Variants in PLCB1 observed in about 807,000 individuals in gnomAD.
PLCB1 encodes the protein 1-phosphatidylinositol 4,5-bisphosphate phosphodiesterase beta-1.
In PLCB1, 46 loss-of-function variants were observed where a neutral mutation model predicts 161.8. That is an observed-to-expected ratio of 0.28 (90% CI 0.22 to 0.36). The LOEUF is 0.36. PLCB1 is among the 10% of genes least tolerant of loss of function. The probability of loss-of-function intolerance (pLI) is 1.00; values close to 1 mark genes in which losing one functional copy is unlikely to be tolerated. For missense variants in PLCB1, 1,016 were observed against 1,472.5 expected, an observed-to-expected ratio of 0.69 and a Z score of 5.07; for synonymous variants, 517 against 503.7, an observed-to-expected ratio of 1.03 and a Z score of -0.35.
At chr20:8,386,603 T>A (rs372013622) in intron 3 of PLCB1, among the ~76,000 whole-genome samples, 1 of 152,222 alleles carries the variant, frequency 6.6e-6, no homozygotes, top group East Asian at 1.9e-4. Flanking sequence ...TCAATGAGCA[T>A]TGGCTTCCAC....
intron 24 of PLCB1, among the ~76,000 whole-genome samples, chr20:8,759,645 C>T (rs1056858064): frequency 9.2e-5 from 14 of 152,078 alleles, no homozygotes; most frequent in African/African-American, 3.1e-4. Context: ...GGATTACAGG[C>T]GTGCACCATC....
intron 2 of PLCB1, among the ~76,000 whole-genome samples, chr20:8,253,253 TTTG>T (rs752134119): frequency 6.6e-6 from 1 of 151,986 alleles, no homozygotes; most frequent in Non-Finnish European, 1.5e-5. Context: ...TCAAATTTTA[TTTG>T]TTGTTGTTGT....
At chr20:8,671,758 A>G (rs1203924310) in intron 9 of PLCB1, among the ~76,000 whole-genome samples, 2 of 152,166 alleles carry the variant, frequency 1.3e-5, no homozygotes, top group African/African-American at 2.4e-5. Flanking sequence ...CATGCCCCCT[A>G]TCCAGGCCAG....
intron 4 of PLCB1, among the ~76,000 whole-genome samples, chr20:8,645,322 AT>A (rs988549604): frequency 3.4e-5 from 5 of 148,458 alleles, no homozygotes; most frequent in South Asian, 2.2e-4. Context: ...AATAAAAAAA[AT>A]AAAGACATTA....
At chr20:8,319,152 C>T (rs981911476) in intron 2 of PLCB1, among the ~76,000 whole-genome samples, 2 of 152,156 alleles carry the variant, frequency 1.3e-5, no homozygotes, top group Non-Finnish European at 2.9e-5. Flanking sequence ...AGTCACAAAA[C>T]CTAGTGTTGA....
intron 2 of PLCB1, among the ~76,000 whole-genome samples, chr20:8,320,209 T>C (rs1984849103): frequency 6.6e-6 from 1 of 152,110 alleles, no homozygotes; most frequent in African/African-American, 2.4e-5. Flanking sequence ...TAAAGTGTGT[T>C]TTTCACACTG....
At chr20:8,739,446 A>T in intron 21 of PLCB1, 86 bp downstream of exon 21, 1 of 844,200 alleles carries the variant, frequency 1.2e-6, no homozygotes, top group Non-Finnish European at 2.0e-6. Context: ...ATGACTTAAG[A>T]AACTATTTTC....
intron 26 of PLCB1, among the ~76,000 whole-genome samples, chr20:8,770,921 T>C (rs776827389): frequency 4.6e-5 from 7 of 152,214 alleles, no homozygotes; most frequent in Non-Finnish European, 8.8e-5. Flanking sequence ...TGTTTATTCA[T>C]TTTTGTATTT....
intron 10 of PLCB1, among the ~76,000 whole-genome samples, chr20:8,697,251 C>T (rs1008331138): frequency 6.6e-6 from 1 of 152,024 alleles, no homozygotes; most frequent in Non-Finnish European, 1.5e-5. Context: ...CTTGGGCAAC[C>T]GAACTCTGTG....
chr20:8,162,613 A>G (rs1376502518), intron 2 of PLCB1, among the ~76,000 whole-genome samples: 2 of 152,162 alleles, frequency 1.3e-5, no homozygotes, highest in East Asian at 1.9e-4. Context: ...TTCTATAGGG[A>G]ATGGGGATTG....
At chr20:8,789,635 G>T (rs6039269) in intron 30 of PLCB1, 60 bp downstream of exon 30, 2 of 1,230,730 alleles carry the variant, frequency 1.6e-6, no homozygotes, top group East Asian at 4.6e-5. Context: ...TGGTGAGCTC[G>T]CTGTGAGCTT....
chr20:8,476,130 G>T (rs117436013), intron 3 of PLCB1, among the ~76,000 whole-genome samples: 150 of 152,266 alleles, frequency 9.9e-4, no homozygotes, highest in Non-Finnish European at 1.9e-3. Context: ...GCTACTGGTG[G>T]TCACTTTTGC....
intron 3 of PLCB1, among the ~76,000 whole-genome samples, chr20:8,585,372 G>A (rs751741930): frequency 2.0e-5 from 3 of 152,172 alleles, no homozygotes; most frequent in Non-Finnish European, 2.9e-5. Context: ...ACCCTTAATT[G>A]TGCACAGCTC....
intron 26 of PLCB1, among the ~76,000 whole-genome samples, chr20:8,768,718 G>A (rs906847526): frequency 1.3e-5 from 2 of 152,198 alleles, no homozygotes; most frequent in African/African-American, 4.8e-5. Context: ...TGAGGTCATG[G>A]CGTGGTGCCC....
chr20:8,500,378 A>G (rs931245259), intron 3 of PLCB1, among the ~76,000 whole-genome samples: 7 of 152,214 alleles, frequency 4.6e-5, no homozygotes, highest in Non-Finnish European at 1.0e-4. Context: ...TTCTAGTTAT[A>G]TACAGATATT....
At chr20:8,374,965 G>A (rs1600353563) in intron 3 of PLCB1, among the ~76,000 whole-genome samples, 1 of 152,094 alleles carries the variant, frequency 6.6e-6, no homozygotes, top group Non-Finnish European at 1.5e-5. Flanking sequence ...TGTGCCTGCT[G>A]TGATTTGAAA....
At chr20:8,312,133 T>C (rs1984429137) in intron 2 of PLCB1, among the ~76,000 whole-genome samples, 1 of 152,152 alleles carries the variant, frequency 6.6e-6, no homozygotes, top group Non-Finnish European at 1.5e-5. Flanking sequence ...TTGGGAAGAC[T>C]CACAGCTGCC....
chr20:8,775,084 T>C lies in PLCB1; in HGVS notation c.3111+365T>C, dbSNP rs1417903395. ...CAAACAAATTTTCCCTTTTTTTTTT[T>C]TTTTTTTTTTTTGGTAGCACTGGGC... is the stretch of plus-strand genomic sequence containing the variant. On this transcript the variant is annotated intron_variant, in intron 27 of 31. Coordinates refer to ENST00000338037, the MANE Select transcript of PLCB1 (RefSeq NM_015192.4). Among the ~76,000 whole-genome samples the C allele has an allele frequency of 2.7e-5, 4 of 149,296 alleles. No homozygotes were observed. In the Admixed American group the frequency reaches 2.7e-4, roughly 10 times the overall value.
intron 2 of PLCB1, among the ~76,000 whole-genome samples, chr20:8,311,099 T>C (rs1984379197): frequency 1.3e-5 from 2 of 152,164 alleles, no homozygotes; most frequent in Admixed American, 1.3e-4. Flanking sequence ...GAATAAAAAA[T>C]GGTCTATATT....
Sources: allele counts gnomAD v4.1 joint callset (sites outside exome capture counted in the v4.1 genomes callset), GRCh38; gene constraint gnomAD v4.1.1; transcripts MANE v1.5; gene names NCBI Gene and HGNC (gene_info 2026-07-23, HGNC 2026-07-21).